The following DPYD variants were observed in gnomAD, a reference collection of about 807,000 sequenced individuals.
DPYD encodes the protein dihydropyrimidine dehydrogenase.
A neutral mutation model predicts 116.2 loss-of-function variants in DPYD; 109 were observed. The ratio of observed to expected loss-of-function variants is 0.94; its 90% CI spans 0.80 to 1.10. DPYD has a LOEUF of 1.10. DPYD is among the 50% of genes least tolerant of loss of function. The probability of loss-of-function intolerance (pLI) is 0.00; values close to 1 mark genes in which losing one functional copy is unlikely to be tolerated. For synonymous variants in DPYD, 440 were observed against 432.0 expected, an observed-to-expected ratio of 1.02 and a Z score of -0.23; for missense variants, 1,302 against 1,254.5, an observed-to-expected ratio of 1.04 and a Z score of -0.57.
chr1:97,439,814 T>C (rs1675665699), intron 14 of DPYD, among the ~76,000 whole-genome samples: 4 of 152,102 alleles, frequency 2.6e-5, no homozygotes, highest in Admixed American at 2.6e-4. Flanking sequence ...GGTCATTAAC[T>C]TGAGACTTTT....
chr1:97,710,595 T>C (rs1345665244), intron 5 of DPYD, among the ~76,000 whole-genome samples: 1 of 151,790 alleles, frequency 6.6e-6, no homozygotes, highest in African/African-American at 2.4e-5. Flanking sequence ...AAAATAGACA[T>C]TGAGAGAAAC....
rs910109713 is a variant in DPYD at position 97,119,028 on chromosome 1, A to C, written c.2623-20396T>G. On this transcript the variant is annotated intron_variant, in intron 20 of 22. Coordinates refer to ENST00000370192, the MANE Select transcript of DPYD (RefSeq NM_000110.4). ...TTTTTTTCACAGACTTTGGGGACAG[A>C]AGGTTCTTTCCTTCAGGTATTGGGA... is the stretch of plus-strand genomic sequence containing the variant. Among the ~76,000 whole-genome samples the C allele has an allele frequency of 3.9e-5, 6 of 152,178 alleles. No individual in the cohort carries two copies. The East Asian group carries it at 9.6e-4, about 24-fold the overall frequency.
At chr1:97,868,538 T>C (rs778326182) in intron 2 of DPYD, among the ~76,000 whole-genome samples, 6 of 151,864 alleles carry the variant, frequency 4.0e-5, no homozygotes, top group Non-Finnish European at 5.9e-5. Context: ...GCATTTACCA[T>C]GTGCTAAACT....
chr1:97,413,519 A>G (rs1490049785), intron 14 of DPYD, among the ~76,000 whole-genome samples: 1 of 152,146 alleles, frequency 6.6e-6, no homozygotes, highest in Admixed American at 6.5e-5. Flanking sequence ...GCTGGAGTGC[A>G]GTGGCTTGAT....
Position 97,459,168 on chromosome 1 carries a change from T to TA in DPYD, c.1741-8946dup, listed in dbSNP as rs201326818. Among the ~76,000 whole-genome samples the TA allele has an allele frequency of 3.8e-3, 584 of 151,700 alleles. 1 individual carries two copies. The highest frequency in any genetic ancestry group is 6.8e-3 in the Middle Eastern group (2 of 294). On this transcript the variant is annotated intron_variant, in intron 13 of 22. Coordinates refer to ENST00000370192, the MANE Select transcript of DPYD (RefSeq NM_000110.4). ...TATGAGCAAATAGAATTTCTAGAAA[T>TA]AAAAAAAATAATATGGAAAATTAAA...
intron 3 of DPYD, among the ~76,000 whole-genome samples, chr1:97,807,163 T>A (rs1448881718): frequency 1.3e-5 from 2 of 152,076 alleles, no homozygotes; most frequent in Non-Finnish European, 2.9e-5. Flanking sequence ...TTTCAATTAC[T>A]TTGGGTAAAT....
chr1:97,358,871 G>A (rs1670559987), intron 16 of DPYD, among the ~76,000 whole-genome samples: 1 of 152,146 alleles, frequency 6.6e-6, no homozygotes, highest in African/African-American at 2.4e-5. Context: ...GAAGAGAAAA[G>A]CTGAAAATTC....
At chr1:97,771,088 C>T (rs887196703) in intron 3 of DPYD, among the ~76,000 whole-genome samples, 3 of 151,984 alleles carry the variant, frequency 2.0e-5, no homozygotes, top group South Asian at 2.1e-4. Flanking sequence ...GGAGCTGAGG[C>T]GGGTGGATCA....
intron 3 of DPYD, among the ~76,000 whole-genome samples, chr1:97,801,952 TC>T (rs1344529025): frequency 2.6e-5 from 4 of 151,826 alleles, no homozygotes; most frequent in Non-Finnish European, 5.9e-5. Flanking sequence ...TTAACATATC[TC>T]CTTTTAATAT....
chr1:97,241,031 T>C (rs922238079), intron 18 of DPYD, among the ~76,000 whole-genome samples: 2 of 152,024 alleles, frequency 1.3e-5, no homozygotes, highest in Admixed American at 6.6e-5. Context: ...GATTATTTGA[T>C]GTTATTTTAG....
intron 2 of DPYD, among the ~76,000 whole-genome samples, chr1:97,838,036 G>C (rs1483487398): frequency 1.3e-5 from 2 of 151,948 alleles, no homozygotes; most frequent in African/African-American, 2.4e-5. Flanking sequence ...AAATAAAAAA[G>C]AATTTTTTGA....
chr1:97,322,277 G>GAA (rs141935843), intron 16 of DPYD, among the ~76,000 whole-genome samples: 13 of 150,512 alleles, frequency 8.6e-5, no homozygotes, highest in East Asian at 2.0e-4. Context: ...ATTAGGAAGG[G>GAA]AAAAAAAAAT....
At chr1:97,770,295 G>A (rs575480805) in intron 3 of DPYD, among the ~76,000 whole-genome samples, 1 of 152,250 alleles carries the variant, frequency 6.6e-6, no homozygotes, top group East Asian at 1.9e-4. Flanking sequence ...ATATATGACA[G>A]CACATACTGA....
intron 18 of DPYD, among the ~76,000 whole-genome samples, chr1:97,265,172 T>C (rs1218061594): frequency 3.3e-5 from 5 of 152,174 alleles, no homozygotes; most frequent in African/African-American, 1.2e-4. Flanking sequence ...CTCATGGTAG[T>C]AGGTCCTTTG....
chr1:97,844,754 A>G (rs954960167), intron 2 of DPYD, among the ~76,000 whole-genome samples: 1 of 152,290 alleles, frequency 6.6e-6, no homozygotes, highest in Non-Finnish European at 1.5e-5. Context: ...GTGCGGCTGC[A>G]GCCACCCAGC....
chr1:97,383,888 G>A (rs1485109772), intron 14 of DPYD, among the ~76,000 whole-genome samples: 4 of 152,098 alleles, frequency 2.6e-5, no homozygotes, highest in Non-Finnish European at 5.9e-5. Flanking sequence ...CAGGAAGATC[G>A]CTTGAGCCCA....
At chr1:97,111,960 T>C (rs1175460583) in intron 20 of DPYD, among the ~76,000 whole-genome samples, 1 of 152,078 alleles carries the variant, frequency 6.6e-6, no homozygotes, top group Non-Finnish European at 1.5e-5. Context: ...GTTGTAAAGA[T>C]TATATAATTT....
intron 7 of DPYD, among the ~76,000 whole-genome samples, chr1:97,690,396 A>G (rs952022279): frequency 3.3e-5 from 5 of 152,002 alleles, no homozygotes; most frequent in African/African-American, 1.2e-4. Context: ...GCAATTTTAT[A>G]TAAGATAAAT....
chr1:97,389,415 AT>A (rs1192586511), intron 14 of DPYD, among the ~76,000 whole-genome samples: 1 of 145,104 alleles, frequency 6.9e-6, no homozygotes, highest in Non-Finnish European at 1.5e-5. Flanking sequence ...TGTTGATAAT[AT>A]TTATGAAAAA....
Sources: gnomAD v4.1 joint callset for allele counts (sites outside exome capture counted in the v4.1 genomes callset) on GRCh38, gnomAD v4.1.1 for gene constraint, MANE v1.5 for transcripts, NCBI Gene and HGNC (gene_info 2026-07-23, HGNC 2026-07-21) for gene names.